Variants in ZC3HC1 observed in about 807,000 individuals in gnomAD.
The protein encoded by ZC3HC1 is zinc finger C3HC-type containing 1.
ZC3HC1 carries 38 observed loss-of-function variants against 61.9 expected under a neutral mutation model. The observed-to-expected ratio is 0.61, with a 90% CI of 0.47 to 0.81. The LOEUF (loss-of-function observed/expected upper bound fraction) is 0.81. ZC3HC1 is among the 30% of genes least tolerant of loss of function. The pLI, the probability that ZC3HC1 is intolerant of heterozygous loss-of-function variation, is 0.00. For synonymous variants in ZC3HC1, 213 were observed against 229.9 expected (o/e 0.93, Z 0.67); for missense variants, 554 against 622.7 (o/e 0.89, Z 1.17).
Position 130,033,599 on chromosome 7 carries a change from C to T in ZC3HC1, c.494-4570G>A, listed in dbSNP as rs565222575. Among the ~76,000 whole-genome samples, 380 of 152,054 alleles carry T rather than the reference C, an allele frequency of 2.5e-3. 1 individual carries two copies. Among genetic ancestry groups the T allele is most frequent in the African/African-American group, 8.5e-3 (353 of 41,494 alleles). The stretch of plus-strand genomic sequence containing the variant: ...TCCCCAGTAGCTGGGACTACAGGCA[C>T]GTGCCACCATGCCTGGCTTGTTTTT... On this transcript the variant is annotated intron_variant, in intron 4 of 9. Transcript: ENST00000358303.
At chr7:130,049,713 G>A (rs1285275821) in intron 1 of ZC3HC1, among the ~76,000 whole-genome samples, 1 of 151,632 alleles carries the variant, frequency 6.6e-6, no homozygotes, top group Non-Finnish European at 1.5e-5. Context: ...CGTGGGCCCG[G>A]CTAATTTTTT....
chr7:130,045,934 A>G (rs1199028447), intron 2 of ZC3HC1, among the ~76,000 whole-genome samples: 1 of 150,238 alleles, frequency 6.7e-6, no homozygotes, highest in East Asian at 2.0e-4. Flanking sequence ...CTTAAGATGG[A>G]TGTTTGAGCT....
chr7:130,021,189 A>G (rs912552425), intron 9 of ZC3HC1, among the ~76,000 whole-genome samples: 4 of 152,082 alleles, frequency 2.6e-5, no homozygotes, highest in African/African-American at 9.7e-5. Flanking sequence ...TACAGGCGTG[A>G]GCCACCACAC....
At chr7:130,039,591 G>A in intron 3 of ZC3HC1, 44 bp from the exon 4 acceptor site, 2 of 1,474,750 alleles carry the variant, frequency 1.4e-6, no homozygotes, top group Middle Eastern at 1.8e-4. Context: ...ACACTATATA[G>A]ATTCAAAATC....
intron 1 of ZC3HC1, among the ~76,000 whole-genome samples, chr7:130,049,711 C>G (rs909297778): frequency 6.6e-6 from 1 of 151,550 alleles, no homozygotes; most frequent in Admixed American, 6.6e-5. Context: ...GGCGTGGGCC[C>G]GGCTAATTTT....
Position 130,023,490 on chromosome 7 carries a change from C to G in ZC3HC1, c.1233+21G>C, listed in dbSNP as rs1450710655. ...ATATGCTGTTTATGCTCAGCCACTG[C>G]TACATGCGAGGTGGACTCACCGAAC... On this transcript the variant is annotated intron_variant, in intron 8 of 9. Coordinates refer to ENST00000358303, the MANE Select transcript of ZC3HC1 (RefSeq NM_016478.5). The surrounding 1 kb of genome is among the most constrained non-coding windows in gnomAD (Gnocchi z 4.2). The G allele has an allele frequency of 6.2e-7, 1 of 1,612,392 alleles. No individual in the cohort carries two copies. The highest frequency in any genetic ancestry group is 1.3e-5 in the African/African-American group (1 of 74,916).
chr7:130,030,813 C>T (rs1018770788), intron 4 of ZC3HC1, among the ~76,000 whole-genome samples: 6 of 151,656 alleles, frequency 4.0e-5, no homozygotes, highest in Middle Eastern at 3.4e-3. Context: ...GGACTACAGG[C>T]GCCCGCCACT....
intron 9 of ZC3HC1, among the ~76,000 whole-genome samples, chr7:130,021,834 G>A (rs1793653493): frequency 6.6e-6 from 1 of 152,068 alleles, no homozygotes; most frequent in African/African-American, 2.4e-5. Context: ...ACAGAAAGAC[G>A]AACCGGTTCT....
intron 4 of ZC3HC1, among the ~76,000 whole-genome samples, chr7:130,029,309 G>A (rs1156974845): frequency 6.6e-6 from 1 of 152,110 alleles, no homozygotes; most frequent in Non-Finnish European, 1.5e-5. Flanking sequence ...AGGAGGCAGA[G>A]GTTGCAATGA....
rs138375649 is a variant in ZC3HC1 at position 130,022,397 on chromosome 7, T to C, written c.1362A>G (p.Ala454=). The change falls in exon 9 of 10, where the codon GCA becomes GCG. Residue 454 remains alanine, a synonymous_variant. Transcript: ENST00000358303. ...TCAGCACTGCTTTCCAGCCTGGCTC[T>C]GCTGGGGCGCTGGCATCTGGTTCAG... ...GGTEPDASAP[A]EPGWKAVLTI... The C allele has an allele frequency of 6.6e-5, 107 of 1,613,498 alleles. No individual in the cohort carries two copies. The highest frequency in any genetic ancestry group is 8.4e-5 in the Non-Finnish European group (99 of 1,179,760).
intron 4 of ZC3HC1, among the ~76,000 whole-genome samples, chr7:130,035,389 C>CAAA (rs1418163522): frequency 6.4e-4 from 38 of 59,206 alleles, no homozygotes; most frequent in African/African-American, 1.8e-3. Flanking sequence ...GAGACTGTCT[C>CAAA]AAAAAAAAAA....
intron 2 of ZC3HC1, among the ~76,000 whole-genome samples, chr7:130,046,611 A>C (rs1794875692): frequency 6.6e-6 from 1 of 152,134 alleles, no homozygotes; most frequent in Non-Finnish European, 1.5e-5. Context: ...CATCTCAAAA[A>C]AAAAAAAAAG....
At chr7:130,039,610 G>A in intron 3 of ZC3HC1, 63 bp from the exon 4 acceptor site, 2 of 1,200,500 alleles carry the variant, frequency 1.7e-6, no homozygotes, top group Non-Finnish European at 1.2e-6. Flanking sequence ...TCCAATGAAT[G>A]GCCTCTAAGA....
intron 2 of ZC3HC1, among the ~76,000 whole-genome samples, chr7:130,046,530 C>T (rs1794872318): frequency 6.6e-6 from 1 of 151,532 alleles, no homozygotes; most frequent in Non-Finnish European, 1.5e-5. Context: ...TTGCTTAAAC[C>T]CAGGAGGTGG....
At chr7:130,039,606 G>C (rs1174979721) in intron 3 of ZC3HC1, 59 bp from the exon 4 acceptor site, 2 of 1,277,146 alleles carry the variant, frequency 1.6e-6, no homozygotes, top group Admixed American at 2.3e-5. Flanking sequence ...AAAATCCAAT[G>C]AATGGCCTCT....
At chr7:130,022,589 G>A in intron 8 of ZC3HC1, 64 bp from the exon 9 acceptor site, 1 of 1,548,436 alleles carries the variant, frequency 6.5e-7, no homozygotes, top group South Asian at 1.1e-5. Context: ...GGGAGGCACT[G>A]CTGTTAGTTA....
Position 130,024,301 on chromosome 7 carries a change from G to A in ZC3HC1, c.982C>T (p.Arg328Trp), listed in dbSNP as rs774252390. Residue 328 changes from arginine to tryptophan, a missense_variant, in exon 7 of 10, where the codon CGG becomes TGG. Arg to Trp is a moderately radical substitution (Grantham distance 101, BLOSUM62 -3). Coordinates refer to ENST00000358303, the MANE Select transcript of ZC3HC1 (RefSeq NM_016478.5). ...VPESPRRMMT[R>W]SQDATFSPGS... ...GGGGAGAAAGTGGCATCCTGGCTCC[G>A]GGTCATCATCCTCCGAGGAGATTCA... is the stretch of plus-strand genomic sequence containing the variant. 1.2e-5 allele frequency: 20 copies of A among 1,613,370 alleles called. No homozygotes were observed. Among genetic ancestry groups the A allele is most frequent in the Admixed American group, 3.3e-5 (2 of 59,894 alleles).
rs190666183 is a variant in ZC3HC1 at position 130,034,295 on chromosome 7, C to A, written c.493+5169G>T. ...GGTCAGGAGATTGAGACTATCCTGG[C>A]TAACACGGTGAAACCCCGTCTCTAC... On this transcript the variant is annotated intron_variant, in intron 4 of 9. Transcript: ENST00000358303. Among the ~76,000 whole-genome samples, 373 of 150,938 alleles carry A rather than the reference C, an allele frequency of 2.5e-3. 1 individual carries two copies. Among genetic ancestry groups the A allele is most frequent in the African/African-American group, 8.5e-3 (349 of 41,176 alleles).
intron 5 of ZC3HC1, chr7:130,027,450 T>A (rs1793966975): frequency 6.6e-6 from 1 of 152,180 alleles, no homozygotes; most frequent in African/African-American, 2.4e-5. Context: ...AAAGCTTGTC[T>A]TCATGGAGTA....
Sources: allele counts gnomAD v4.1 joint callset (sites outside exome capture counted in the v4.1 genomes callset), GRCh38; gene constraint gnomAD v4.1.1; non-coding constraint Gnocchi (gnomAD v3.1); transcripts MANE v1.5; gene names NCBI Gene and HGNC (gene_info 2026-07-23, HGNC 2026-07-21).